The following USP10 variants were observed in gnomAD, a reference collection of about 807,000 sequenced individuals.
The protein encoded by USP10 is ubiquitin carboxyl-terminal hydrolase 10.
USP10 carries 22 observed loss-of-function variants against 84.5 expected under a neutral mutation model. The ratio of observed to expected loss-of-function variants is 0.26; its 90% CI spans 0.19 to 0.37. The LOEUF (loss-of-function observed/expected upper bound fraction) is 0.37. USP10 is among the 10% of genes least tolerant of loss of function. The pLI is 1.00. For synonymous variants in USP10, 454 were observed against 387.6 expected, an observed-to-expected ratio of 1.17 and a Z score of -2.01; for missense variants, 1,019 against 998.9, an observed-to-expected ratio of 1.02 and a Z score of -0.27.
At chr16:84,734,317 T>C (rs1324381854) in intron 2 of USP10, among the ~76,000 whole-genome samples, 1 of 152,200 alleles carries the variant, frequency 6.6e-6, no homozygotes, top group African/African-American at 2.4e-5. Flanking sequence ...ATTTTGTGAA[T>C]CTGATGTGTG....
intron 8 of USP10, among the ~76,000 whole-genome samples, chr16:84,761,510 A>G (rs946436465): frequency 6.6e-5 from 10 of 152,118 alleles, no homozygotes; most frequent in African/African-American, 2.2e-4. Flanking sequence ...CCTAAAGGAA[A>G]CTTCCAGACT....
At chr16:84,723,552 C>T (rs1210749952) in intron 1 of USP10, among the ~76,000 whole-genome samples, 1 of 152,148 alleles carries the variant, frequency 6.6e-6, no homozygotes, top group African/African-American at 2.4e-5. Flanking sequence ...AGAAATTATT[C>T]CTTATCCTTA....
rs1567623427 is a variant in USP10, at chr16:84,745,219, CG to C, written c.742del (p.Ala248LeufsTer63). 1 of 1,613,064 alleles carries C rather than the reference CG, an allele frequency of 6.2e-7. No homozygotes were observed. The highest frequency in any genetic ancestry group is 1.1e-5 in the South Asian group (1 of 91,008). ...RTAGQPEGGPGADFGQSCFPA... is the reference protein window; with the variant it reads ...RTAGQPEGGPXADFGQSCFPA... The stretch of plus-strand genomic sequence containing the variant: ...CTGCAGGGCAGCCAGAGGGGGGCCC[CG>C]GGGCTGATTTTGGTCAGTCCTGCTT... On this transcript the variant is annotated frameshift_variant, in exon 4 of 14. Coordinates refer to ENST00000219473, the MANE Select transcript of USP10 (RefSeq NM_005153.3). LOFTEE classifies it high-confidence loss of function.
At chr16:84,742,006 C>G (rs1487924582) in intron 3 of USP10, among the ~76,000 whole-genome samples, 1 of 152,204 alleles carries the variant, frequency 6.6e-6, no homozygotes, top group African/African-American at 2.4e-5. Flanking sequence ...GCAGCAAGCC[C>G]TTTGCAGAGG....
chr16:84,705,319 C>A (rs557975110), intron 1 of USP10, among the ~76,000 whole-genome samples: 1 of 151,960 alleles, frequency 6.6e-6, no homozygotes, highest in African/African-American at 2.4e-5. Flanking sequence ...GCAACTTCTG[C>A]CTCCCGGGTT....
At chr16:84,710,915 A>C (rs74855443) in intron 1 of USP10, among the ~76,000 whole-genome samples, 3,519 of 152,272 alleles carry the variant, frequency 0.023, 130 homozygotes, top group African/African-American at 0.077. Flanking sequence ...GCCCTTTCGC[A>C]TGAATAGCAA....
At chr16:84,774,856 C>T (rs1384454920) in intron 12 of USP10, among the ~76,000 whole-genome samples, 1 of 152,164 alleles carries the variant, frequency 6.6e-6, no homozygotes, top group African/African-American at 2.4e-5. Context: ...TTTAAGTCAG[C>T]AGCTTTTTTC....
intron 1 of USP10, among the ~76,000 whole-genome samples, chr16:84,713,389 C>T (rs1480291572): frequency 6.6e-6 from 1 of 151,970 alleles, no homozygotes; most frequent in Non-Finnish European, 1.5e-5. Flanking sequence ...TTTAAAATTG[C>T]GCCCTCCTTC....
chr16:84,770,736 C>T (rs192327884), intron 11 of USP10, among the ~76,000 whole-genome samples: 1 of 145,310 alleles, frequency 6.9e-6, no homozygotes, highest in East Asian at 2.0e-4. Context: ...AGCGCCACTG[C>T]AGTCCGGCCT....
chr16:84,773,065 C>T (rs1597405135), intron 12 of USP10, among the ~76,000 whole-genome samples: 1 of 152,242 alleles, frequency 6.6e-6, no homozygotes, highest in East Asian at 1.9e-4. Context: ...AATGATTTCT[C>T]ATAGGCAGTG....
At chr16:84,764,285 C>T in intron 10 of USP10, 22 bp downstream of exon 10, 1 of 1,613,908 alleles carries the variant, frequency 6.2e-7, no homozygotes, top group Non-Finnish European at 8.5e-7. Flanking sequence ...TCTGGAATAA[C>T]TTAATATTTG....
intron 11 of USP10, among the ~76,000 whole-genome samples, chr16:84,770,695 C>G (rs1324228229): frequency 1.3e-5 from 2 of 151,270 alleles, no homozygotes; most frequent in Non-Finnish European, 2.9e-5. Flanking sequence ...TGGCGTGAAC[C>G]TGGGAGGCGG....
chr16:84,714,411 TA>T (rs1906727080), intron 1 of USP10, among the ~76,000 whole-genome samples: 1 of 152,200 alleles, frequency 6.6e-6, no homozygotes, highest in African/African-American at 2.4e-5. Context: ...ATCTAACTCC[TA>T]GGCTTAGGCC....
chr16:84,735,227 GTGT>G (rs1909769451), intron 2 of USP10, among the ~76,000 whole-genome samples: 1 of 104,774 alleles, frequency 9.5e-6, no homozygotes, highest in African/African-American at 3.8e-5. Flanking sequence ...GTGTGTGTGT[GTGT>G]GTGTGTGGTG....
intron 1 of USP10, among the ~76,000 whole-genome samples, chr16:84,704,446 T>A (rs964203515): frequency 6.6e-6 from 1 of 152,274 alleles, no homozygotes; most frequent in Non-Finnish European, 1.5e-5. Context: ...TTACTGTCAT[T>A]TGTCACTTTA....
intron 1 of USP10, among the ~76,000 whole-genome samples, chr16:84,707,515 C>T (rs986175919): frequency 6.6e-6 from 1 of 152,136 alleles, no homozygotes; most frequent in African/African-American, 2.4e-5. Context: ...TGCTTTTTTC[C>T]ACTGGAGTAT....
intron 8 of USP10, among the ~76,000 whole-genome samples, chr16:84,761,145 T>A (rs1009112939): frequency 6.6e-6 from 1 of 152,114 alleles, no homozygotes; most frequent in East Asian, 1.9e-4. Context: ...TGGAATGAAG[T>A]GCGCCCTCTG....
At chr16:84,757,395 GGGTGGGGGTGTGTGTGTGT>G (rs1214050600) in intron 4 of USP10, among the ~76,000 whole-genome samples, 4 of 82,522 alleles carry the variant, frequency 4.8e-5, no homozygotes, top group Admixed American at 2.3e-4. Flanking sequence ...GGAATGAGAG[GGGTGGGGGTGTGTGTGTGT>G]GTGTGTGTGT....
chr16:84,760,967 A>G (rs1045368425), intron 8 of USP10, among the ~76,000 whole-genome samples: 4 of 152,222 alleles, frequency 2.6e-5, no homozygotes, highest in African/African-American at 4.8e-5. Flanking sequence ...AGTTTACTTG[A>G]AGCTTCATTG....
Sources: gnomAD v4.1 joint callset for allele counts (sites outside exome capture counted in the v4.1 genomes callset) on GRCh38, gnomAD v4.1.1 for gene constraint, MANE v1.5 for transcripts, NCBI Gene and HGNC (gene_info 2026-07-23, HGNC 2026-07-21) for gene names.